Variants in DOK6 observed in about 807,000 individuals in gnomAD.
The protein encoded by DOK6 is docking protein 6.
A neutral mutation model predicts 44.0 loss-of-function variants in DOK6; 22 were observed. The observed-to-expected ratio is 0.50, with a 90% confidence interval of 0.36 to 0.71. The LOEUF (loss-of-function observed/expected upper bound fraction) is 0.71. Ranked by LOEUF, DOK6 falls within the 30% of genes least tolerant of loss-of-function variation. The pLI, the probability that DOK6 is intolerant of heterozygous loss-of-function variation, is 0.00. For missense variants in DOK6, 340 were observed against 416.4 expected (o/e 0.82, Z 1.60); for synonymous variants, 166 against 145.5 (o/e 1.14, Z -1.01).
At chr18:69,706,299 T>G (rs972231940) in intron 5 of DOK6, among the ~76,000 whole-genome samples, 1 of 152,152 alleles carries the variant, frequency 6.6e-6, no homozygotes, top group Non-Finnish European at 1.5e-5. Context: ...CATGAGTCCT[T>G]GAGAAAGGCA....
intron 7 of DOK6, among the ~76,000 whole-genome samples, chr18:69,761,875 A>G (rs1457361589): frequency 6.6e-6 from 1 of 152,150 alleles, no homozygotes; most frequent in Non-Finnish European, 1.5e-5. Context: ...AGTTACCGGC[A>G]GCGAATCCAT....
At chr18:69,531,228 GT>G (rs1231736713) in intron 1 of DOK6, among the ~76,000 whole-genome samples, 2 of 144,912 alleles carry the variant, frequency 1.4e-5, no homozygotes, top group South Asian at 2.2e-4. Flanking sequence ...AGTCTGAGAA[GT>G]TTTTTAAGTA....
chr18:69,746,832 G>A (rs948820991), intron 6 of DOK6, among the ~76,000 whole-genome samples: 2 of 152,104 alleles, frequency 1.3e-5, no homozygotes, highest in Admixed American at 6.6e-5. Context: ...ATGAGAAGGT[G>A]TTCTGTCTTG....
chr18:69,411,463 G>A (rs1219779535), intron 1 of DOK6, among the ~76,000 whole-genome samples: 1 of 152,130 alleles, frequency 6.6e-6, no homozygotes, highest in Non-Finnish European at 1.5e-5. Flanking sequence ...GGCTAGCCAG[G>A]ATGGAGAACC....
intron 3 of DOK6, among the ~76,000 whole-genome samples, chr18:69,633,867 G>T (rs756206099): frequency 3.3e-5 from 5 of 152,096 alleles, no homozygotes; most frequent in Non-Finnish European, 5.9e-5. Flanking sequence ...ACTAAGTACC[G>T]AGTAAGGGAA....
At position 69,599,284 on chromosome 18, in the gene DOK6, G is replaced by C. The variant is rs555218678; in HGVS notation, c.175-100G>C. The stretch of plus-strand genomic sequence containing the variant: ...TCAGAATGAGTACAAATATCCCGTG[G>C]AAATTCATGTAAGACTGTGATAACT... On this transcript the variant is annotated intron_variant, in intron 2 of 7. Coordinates refer to ENST00000382713, the MANE Select transcript of DOK6 (RefSeq NM_152721.6). 4.7e-6 allele frequency: 4 copies of C among 858,978 alleles called. No homozygotes were observed. The South Asian group carries it at 7.7e-5, about 16-fold the overall frequency. 53.2% of individuals were successfully genotyped at this position (858,978 alleles called of 1,614,324 possible).
At chr18:69,630,779 C>T (rs2144645926) in intron 3 of DOK6, among the ~76,000 whole-genome samples, 1 of 152,262 alleles carries the variant, frequency 6.6e-6, no homozygotes, top group African/African-American at 2.4e-5. Context: ...CTGTATAATA[C>T]AAATCATTAC....
chr18:69,490,431 A>T (rs982549410), intron 1 of DOK6, among the ~76,000 whole-genome samples: 2 of 152,220 alleles, frequency 1.3e-5, no homozygotes, highest in African/African-American at 2.4e-5. Flanking sequence ...GGACTGTGGA[A>T]AGCTGAAGAT....
At chr18:69,481,364 C>T (rs1980415367) in intron 1 of DOK6, among the ~76,000 whole-genome samples, 1 of 149,828 alleles carries the variant, frequency 6.7e-6, no homozygotes, top group Non-Finnish European at 1.5e-5. Context: ...CTAATGCTAT[C>T]CCTACCCCCT....
chr18:69,593,313 A>G (rs1457846692), intron 2 of DOK6, among the ~76,000 whole-genome samples: 2 of 152,098 alleles, frequency 1.3e-5, no homozygotes, highest in Non-Finnish European at 2.9e-5. Context: ...TTGAGGCTGC[A>G]GTGAGCTGTG....
chr18:69,638,488 C>CTT (rs5825959), intron 3 of DOK6, among the ~76,000 whole-genome samples: 58,026 of 148,886 alleles, frequency 0.39, 11,958 homozygotes, highest in Non-Finnish European at 0.47. Context: ...TATACTTATT[C>CTT]TTTTTTTTTT....
chr18:69,459,173 CA>C (rs1185204758), intron 1 of DOK6, among the ~76,000 whole-genome samples: 5 of 96,222 alleles, frequency 5.2e-5, no homozygotes, highest in East Asian at 3.3e-4. Flanking sequence ...TGAGAAATCT[CA>C]AAAAAAAATA....
rs908200700 is a variant in DOK6 at position 69,680,421 on chromosome 18, G to A, written c.409+2568G>A. On this transcript the variant is annotated intron_variant, in intron 4 of 7. Transcript: ENST00000382713. ...TCAAGTCTGCACCCCCCTCTTTAAA[G>A]AACTTCCATAACTTTTGATGATATC... 8.5e-5 allele frequency among the ~76,000 whole-genome samples: 13 copies of A among 152,170 alleles called. 1 individual carries two copies. The highest frequency in any genetic ancestry group is 2.6e-4 in the Admixed American group (4 of 15,274).
chr18:69,714,693 A>G (rs942973222), intron 5 of DOK6, among the ~76,000 whole-genome samples: 3 of 152,254 alleles, frequency 2.0e-5, no homozygotes, highest in African/African-American at 7.2e-5. Context: ...AAATACCAAT[A>G]TACCAATTGG....
chr18:69,705,933 C>A (rs993260203), intron 5 of DOK6, among the ~76,000 whole-genome samples: 2 of 142,310 alleles, frequency 1.4e-5, no homozygotes, highest in South Asian at 2.3e-4. Flanking sequence ...AAAAAAAAAA[C>A]ACTCCATTAT....
At chr18:69,701,943 C>A (rs1652079890) in intron 5 of DOK6, among the ~76,000 whole-genome samples, 1 of 151,690 alleles carries the variant, frequency 6.6e-6, no homozygotes, top group Non-Finnish European at 1.5e-5. Context: ...AATGCATAAC[C>A]AAGTGGTTAA....
intron 7 of DOK6, among the ~76,000 whole-genome samples, chr18:69,764,016 A>G (rs555299327): frequency 2.6e-5 from 4 of 152,288 alleles, no homozygotes; most frequent in African/African-American, 9.6e-5. Flanking sequence ...TGTGAGCCCC[A>G]TGCTCTTGCG....
rs1982922065 is a variant in DOK6 at position 69,564,493 on chromosome 18, A to C, written c.73A>C (p.Arg25=). 6.2e-7 allele frequency: 1 copy of C among 1,613,434 alleles called. No individual in the cohort carries two copies. The highest frequency in any genetic ancestry group is 1.3e-5 in the African/African-American group (1 of 74,890). ...KIRSRKLGIF[R]RCWLVFKKAS... The stretch of plus-strand genomic sequence containing the variant: ...TTCCTTTATTTGCTTTCAGATTTTC[A>C]GACGATGCTGGTTGGTTTTCAAGAA... The change falls in exon 2 of 8, where the codon AGA becomes CGA. Residue 25 remains arginine (R), a synonymous_variant. Coordinates refer to ENST00000382713, the MANE Select transcript of DOK6 (RefSeq NM_152721.6).
intron 7 of DOK6, among the ~76,000 whole-genome samples, chr18:69,819,243 T>C (rs1349713060): frequency 1.3e-5 from 2 of 152,172 alleles, no homozygotes; most frequent in Non-Finnish European, 2.9e-5. Context: ...CCATCTCTTT[T>C]AGCATGTATT....
Sources: allele counts gnomAD v4.1 joint callset (sites outside exome capture counted in the v4.1 genomes callset), GRCh38; gene constraint gnomAD v4.1.1; transcripts MANE v1.5; gene names NCBI Gene and HGNC (gene_info 2026-07-23, HGNC 2026-07-21).